Variants in RSRC1 observed in about 807,000 individuals in gnomAD.
RSRC1 encodes arginine and serine rich coiled-coil 1, also known as serine/Arginine-related protein 53.
A neutral mutation model predicts 49.1 loss-of-function variants in RSRC1; 39 were observed. That is an observed-to-expected ratio of 0.79 (90% CI 0.61 to 1.04). RSRC1 has a LOEUF of 1.04. RSRC1 is among the 50% of genes least tolerant of loss of function. The pLI, the probability that RSRC1 is intolerant of heterozygous loss-of-function variation, is 0.00. For missense variants in RSRC1, 388 were observed against 402.4 expected (o/e 0.96, Z 0.31); for synonymous variants, 143 against 130.8 (o/e 1.09, Z -0.63).
chr3:158,350,210 C>G (rs1215524428), intron 5 of RSRC1, among the ~76,000 whole-genome samples: 1 of 138,154 alleles, frequency 7.2e-6, no homozygotes, highest in Non-Finnish European at 1.5e-5. Context: ...AAAGGTCTGG[C>G]TCTATCACCC....
At chr3:158,138,290 A>G (rs997874339) in intron 3 of RSRC1, among the ~76,000 whole-genome samples, 14 of 152,210 alleles carry the variant, frequency 9.2e-5, no homozygotes, top group African/African-American at 3.4e-4. Context: ...CTTCACTGGT[A>G]TAGATAACCA....
At chr3:158,307,456 G>A (rs1363601130) in intron 5 of RSRC1, among the ~76,000 whole-genome samples, 1 of 151,856 alleles carries the variant, frequency 6.6e-6, no homozygotes, top group East Asian at 1.9e-4. Flanking sequence ...AATATGCTTA[G>A]CTATATATTG....
intron 6 of RSRC1, among the ~76,000 whole-genome samples, chr3:158,409,687 A>G (rs958698164): frequency 1.3e-5 from 2 of 151,862 alleles, no homozygotes; most frequent in African/African-American, 4.8e-5. Flanking sequence ...GCTATTGCCT[A>G]TTATCACCAA....
rs147092225 is a variant in RSRC1, at chr3:158,371,091, T to G, written c.583+16183T>G. ...TACCATCTGTATACTTTCTGAAGTA[T>G]CTGCTCATATCTTTTGCCTGTTTTT... On this transcript the variant is annotated intron_variant, in intron 6 of 9. Transcript: ENST00000611884. Among the ~76,000 whole-genome samples, 799 of 152,034 alleles carry G rather than the reference T, an allele frequency of 5.3e-3. 7 individuals are homozygous for G. Among genetic ancestry groups the G allele is most frequent in the African/African-American group, 0.018 (760 of 41,548 alleles).
At chr3:158,379,837 C>CACACACACACACAG (rs756663444) in intron 6 of RSRC1, among the ~76,000 whole-genome samples, 12 of 147,728 alleles carry the variant, frequency 8.1e-5, no homozygotes, top group Non-Finnish European at 1.2e-4. Context: ...CACACACACA[C>CACACACACACACAG]CCTCCCTCCC....
chr3:158,522,065 CT>C (rs1711707028), intron 7 of RSRC1, among the ~76,000 whole-genome samples: 1 of 151,730 alleles, frequency 6.6e-6, no homozygotes, highest in African/African-American at 2.4e-5. Context: ...GTTTGCTACT[CT>C]TTTTTTTCTT....
chr3:158,132,720 T>C (rs1716122039), intron 3 of RSRC1, among the ~76,000 whole-genome samples: 1 of 152,228 alleles, frequency 6.6e-6, no homozygotes, highest in Non-Finnish European at 1.5e-5. Flanking sequence ...TTGTAGTTTT[T>C]CCTTTTCTCA....
intron 6 of RSRC1, among the ~76,000 whole-genome samples, chr3:158,378,245 G>T (rs1732483448): frequency 6.6e-6 from 1 of 152,044 alleles, no homozygotes; most frequent in Non-Finnish European, 1.5e-5. Context: ...ATTGAGCATA[G>T]TTATAATGGC....
intron 3 of RSRC1, among the ~76,000 whole-genome samples, chr3:158,139,258 G>A (rs1716584460): frequency 6.6e-6 from 1 of 152,050 alleles, no homozygotes; most frequent in African/African-American, 2.4e-5. Flanking sequence ...AAAATTAGCT[G>A]GGCCTGGTGA....
At chr3:158,141,878 A>G (rs934363614) in intron 3 of RSRC1, among the ~76,000 whole-genome samples, 1 of 152,156 alleles carries the variant, frequency 6.6e-6, no homozygotes, top group Non-Finnish European at 1.5e-5. Context: ...TGGGCGGATC[A>G]CTTGAGCTCA....
intron 4 of RSRC1, among the ~76,000 whole-genome samples, chr3:158,280,636 C>T (rs1366554234): frequency 2.0e-5 from 2 of 99,908 alleles, no homozygotes; most frequent in Non-Finnish European, 3.8e-5. Context: ...TGAAGTGATT[C>T]CTTTTTTTTT....
intron 6 of RSRC1, among the ~76,000 whole-genome samples, chr3:158,435,402 A>G (rs1735992283): frequency 6.6e-6 from 1 of 151,816 alleles, no homozygotes; most frequent in Non-Finnish European, 1.5e-5. Flanking sequence ...AATAGAAAAA[A>G]TAATTTATCC....
At chr3:158,173,166 TTTATAA>T (rs1489511483) in intron 3 of RSRC1, among the ~76,000 whole-genome samples, 7 of 151,946 alleles carry the variant, frequency 4.6e-5, no homozygotes, top group East Asian at 1.9e-4. Flanking sequence ...TTTAACCTTG[TTTATAA>T]TTATATAAAT....
At chr3:158,132,899 G>A (rs1330728472) in intron 3 of RSRC1, among the ~76,000 whole-genome samples, 1 of 152,150 alleles carries the variant, frequency 6.6e-6, no homozygotes, top group Admixed American at 6.5e-5. Flanking sequence ...TGCCCAGTAC[G>A]TTGGGATCAG....
At chr3:158,121,310 ATGTT>A (rs1367710949) in intron 1 of RSRC1, among the ~76,000 whole-genome samples, 2 of 152,086 alleles carry the variant, frequency 1.3e-5, no homozygotes, top group Non-Finnish European at 2.9e-5. Context: ...ATAAATATAT[ATGTT>A]TGTGTGTAAT....
Position 158,544,355 on chromosome 3 carries a change from ACTCT to A in RSRC1, c.*81_*84del. On this transcript the variant is annotated 3_prime_UTR_variant, in exon 10 of 10. Coordinates refer to ENST00000611884, the MANE Select transcript of RSRC1 (RefSeq NM_001271838.2). ...TTTTAAATCCCAATATTAACTTTTT[ACTCT>A]TAAAAAGAATTTTGCTGATTATATA... is the stretch of plus-strand genomic sequence containing the variant. 1 of 868,382 alleles carries A rather than the reference ACTCT, an allele frequency of 1.2e-6. No individual in the cohort carries two copies. Among genetic ancestry groups the A allele is most frequent in the Non-Finnish European group, 1.8e-6 (1 of 558,860 alleles). 53.8% of individuals were successfully genotyped at this position (868,382 alleles called of 1,614,324 possible).
chr3:158,167,806 G>GT (rs1232732039), intron 3 of RSRC1, among the ~76,000 whole-genome samples: 2 of 152,196 alleles, frequency 1.3e-5, no homozygotes, highest in African/African-American at 4.8e-5. Flanking sequence ...GTGTACTTCA[G>GT]TTTCTTCAAG....
intron 4 of RSRC1, among the ~76,000 whole-genome samples, chr3:158,270,834 T>C (rs1725477174): frequency 1.3e-5 from 2 of 152,298 alleles, no homozygotes; most frequent in East Asian, 3.9e-4. Flanking sequence ...GTCTATCTGA[T>C]AATGTAAAAC....
chr3:158,123,702 A>G (rs536884844), intron 2 of RSRC1, among the ~76,000 whole-genome samples, 164 bp from the exon 3 acceptor site: 4 of 152,372 alleles, frequency 2.6e-5, no homozygotes, highest in Admixed American at 2.0e-4. Flanking sequence ...TGAACCAGTC[A>G]TATGACTGTT....
Sources: gnomAD v4.1 joint callset for allele counts (sites outside exome capture counted in the v4.1 genomes callset) on GRCh38, gnomAD v4.1.1 for gene constraint, MANE v1.5 for transcripts, NCBI Gene and HGNC (gene_info 2026-07-23, HGNC 2026-07-21) for gene names.